GAS7: variants seen among roughly 807,000 people sequenced by gnomAD.
The protein encoded by GAS7 is growth arrest-specific protein 7.
A neutral mutation model predicts 71.1 loss-of-function variants in GAS7; 28 were observed. That is an observed-to-expected ratio of 0.39 (90% CI 0.29 to 0.54). The LOEUF is 0.54. Ranked by LOEUF, GAS7 falls within the 20% of genes least tolerant of loss-of-function variation. The pLI is 0.62. For missense variants in GAS7, 436 were observed against 627.8 expected, an observed-to-expected ratio of 0.69 and a Z score of 3.27; for synonymous variants, 258 against 245.8, an observed-to-expected ratio of 1.05 and a Z score of -0.46.
rs572105002 is a variant in GAS7 at position 10,006,691 on chromosome 17, T to A, written c.304+13086A>T. 9.3e-3 allele frequency among the ~76,000 whole-genome samples: 1,403 copies of A among 151,088 alleles called. 38 individuals carry two copies. Among genetic ancestry groups the A allele is most frequent in the East Asian group, 0.081 (418 of 5,168 alleles). ...AGCAGAGTGCATGCGTATTTTTTTT[T>A]AATAGCAAAAATGCTGAGATCCAAA... On this transcript the variant is annotated intron_variant, in intron 2 of 13. Coordinates refer to ENST00000432992, the MANE Select transcript of GAS7 (RefSeq NM_201433.2).
At chr17:9,922,196 A>AGATGATGAT (rs35613552) in intron 11 of GAS7, among the ~76,000 whole-genome samples, 7 of 100,384 alleles carry the variant, frequency 7.0e-5, no homozygotes, top group African/African-American at 1.3e-4. Context: ...GTGGTGATGA[A>AGATGATGAT]GATGATGATG....
chr17:10,098,648 A>C lies in GAS7; in HGVS notation c.184-78751T>G, dbSNP rs573411716. On this transcript the variant is annotated intron_variant, in intron 1 of 13. Transcript: ENST00000432992. ...GAAGTGGGCATATCCCTAGCCAGGC[A>C]CTCTCCTTCAGAACACAGATAAAAC... is the stretch of plus-strand genomic sequence containing the variant. 2.0e-5 allele frequency among the ~76,000 whole-genome samples: 3 copies of C among 152,142 alleles called. 1 individual carries two copies. In the East Asian group the frequency reaches 5.8e-4, roughly 29 times the overall value.
intron 1 of GAS7, among the ~76,000 whole-genome samples, chr17:10,108,076 C>G (rs1239205261): frequency 1.3e-5 from 2 of 151,560 alleles, no homozygotes; most frequent in Non-Finnish European, 2.9e-5. Flanking sequence ...CAGAGGGGGT[C>G]TGGGCAAGAG....
At chr17:10,116,113 C>A (rs745393366) in intron 1 of GAS7, among the ~76,000 whole-genome samples, 2 of 152,184 alleles carry the variant, frequency 1.3e-5, no homozygotes, top group African/African-American at 4.8e-5. Context: ...GAGTTCAAGA[C>A]CAGCCTGGCC....
chr17:10,049,029 AATGGGCC>A (rs1235588923), intron 1 of GAS7, among the ~76,000 whole-genome samples: 1 of 152,200 alleles, frequency 6.6e-6, no homozygotes, highest in Non-Finnish European at 1.5e-5. Context: ...CAGATGAAGC[AATGGGCC>A]ATGTGTGAGG....
At chr17:10,057,406 GC>G (rs1166156417) in intron 1 of GAS7, among the ~76,000 whole-genome samples, 1 of 150,160 alleles carries the variant, frequency 6.7e-6, no homozygotes, top group Non-Finnish European at 1.5e-5. Context: ...CTGCCCTGCC[GC>G]CCCGTCTGGA....
intron 5 of GAS7, 104 bp from the exon 6 acceptor site, chr17:9,947,087 C>A: frequency 1.4e-6 from 1 of 704,362 alleles, no homozygotes; most frequent in Non-Finnish European, 2.5e-6. Flanking sequence ...TCCCTATTGA[C>A]AGAACACGCA....
chr17:10,194,295 G>A (rs1471710913), intron 1 of GAS7, among the ~76,000 whole-genome samples: 1 of 152,174 alleles, frequency 6.6e-6, no homozygotes, highest in Non-Finnish European at 1.5e-5. Context: ...AAAAGCTCTG[G>A]GAAGTTTTGT....
At chr17:9,944,237 T>C (rs1273678523) in intron 6 of GAS7, among the ~76,000 whole-genome samples, 2 of 152,202 alleles carry the variant, frequency 1.3e-5, no homozygotes, top group Non-Finnish European at 1.5e-5. Flanking sequence ...CCCAGGGCCA[T>C]CCCAGGCATG....
At position 10,135,518 on chromosome 17, in the gene GAS7, G is replaced by A. The variant is rs570079051; in HGVS notation, c.183+62690C>T. Among the ~76,000 whole-genome samples the A allele has an allele frequency of 3.3e-5, 5 of 152,360 alleles. No individual in the cohort carries two copies. The East Asian group carries it at 9.6e-4, about 29-fold the overall frequency. On this transcript the variant is annotated intron_variant, in intron 1 of 13. Transcript: ENST00000432992. ...GATTTCTCTTCGATTAAGGGGGTGA[G>A]CAGCTATAAATGCCCCCATCACGCT...
chr17:9,972,295 G>A (rs534004565), intron 3 of GAS7, among the ~76,000 whole-genome samples: 142 of 152,344 alleles, frequency 9.3e-4, no homozygotes, highest in African/African-American at 3.3e-3. Context: ...AAATGCTGAG[G>A]GGGCCAAGGA....
chr17:10,031,971 T>C (rs1420196439), intron 1 of GAS7, among the ~76,000 whole-genome samples: 2 of 152,128 alleles, frequency 1.3e-5, no homozygotes, highest in African/African-American at 4.8e-5. Flanking sequence ...GACTGTGTTT[T>C]AGAACCACAG....
In GAS7 at chr17:10,103,270, G is replaced by C. The variant is rs775575289; in HGVS notation, c.184-83373C>G. On this transcript the variant is annotated intron_variant, in intron 1 of 13. Transcript: ENST00000432992. This position sits in a 1 kb window ranked among gnomAD's most constrained non-coding sequence, Gnocchi z 5.5. The stretch of plus-strand genomic sequence containing the variant: ...AAGGTGGGAGAATCACCTGAGCCTG[G>C]GGAGTAGAGGCTGCAGTGAGAGCTG... Among the ~76,000 whole-genome samples the C allele has an allele frequency of 6.6e-6, 1 of 152,042 alleles. No homozygotes were observed. Among genetic ancestry groups the C allele is most frequent in the Non-Finnish European group, 1.5e-5 (1 of 67,996 alleles).
intron 1 of GAS7, among the ~76,000 whole-genome samples, chr17:10,153,240 G>A (rs1184489390): frequency 1.7e-5 from 1 of 60,024 alleles, no homozygotes; most frequent in Non-Finnish European, 3.2e-5. Context: ...GGTGGCTCAC[G>A]CCTGTAATCC....
At chr17:9,952,612 G>A (rs1475476551) in intron 5 of GAS7, among the ~76,000 whole-genome samples, 3 of 152,038 alleles carry the variant, frequency 2.0e-5, no homozygotes, top group Admixed American at 6.6e-5. Flanking sequence ...GGCTGGTCTC[G>A]AACTCCTGAC....
intron 2 of GAS7, among the ~76,000 whole-genome samples, chr17:9,983,557 C>T (rs1310835602): frequency 6.6e-6 from 1 of 151,694 alleles, no homozygotes; most frequent in Non-Finnish European, 1.5e-5. Flanking sequence ...GAGGCCGAGG[C>T]GGGTGGATCA....
intron 1 of GAS7, among the ~76,000 whole-genome samples, chr17:10,088,368 C>G (rs1331275555): frequency 6.6e-6 from 1 of 151,996 alleles, no homozygotes; most frequent in Non-Finnish European, 1.5e-5. Flanking sequence ...AGGTACAAAA[C>G]CCCAGGCAGC....
At chr17:9,952,418 T>G (rs1455064852) in intron 5 of GAS7, among the ~76,000 whole-genome samples, 2 of 151,946 alleles carry the variant, frequency 1.3e-5, no homozygotes, top group African/African-American at 4.8e-5. Flanking sequence ...TGAGATAAAG[T>G]TTTGCTCTTG....
At chr17:10,075,208 T>C (rs566620315) in intron 1 of GAS7, among the ~76,000 whole-genome samples, 129 of 151,538 alleles carry the variant, frequency 8.5e-4, no homozygotes, top group Non-Finnish European at 1.6e-3. Flanking sequence ...ATACAAAAAT[T>C]AGCCAGGCGT....
Sources: allele counts gnomAD v4.1 joint callset (sites outside exome capture counted in the v4.1 genomes callset), GRCh38; gene constraint gnomAD v4.1.1; non-coding constraint Gnocchi (gnomAD v3.1); transcripts MANE v1.5; gene names NCBI Gene and HGNC (gene_info 2026-07-23, HGNC 2026-07-21).